RAB11FIP4: variants seen among roughly 807,000 people sequenced by gnomAD.
RAB11FIP4 encodes the protein rab11 family-interacting protein 4.
In RAB11FIP4, 23 loss-of-function variants were observed where a neutral mutation model predicts 74.3. The ratio of observed to expected loss-of-function variants is 0.31; its 90% CI spans 0.22 to 0.44. The LOEUF (loss-of-function observed/expected upper bound fraction) is 0.44, where lower values mean the gene tolerates loss of function less well. RAB11FIP4 is among the 20% of genes least tolerant of loss of function. The probability of loss-of-function intolerance (pLI) is 1.00; values close to 1 mark genes in which losing one functional copy is unlikely to be tolerated. For missense variants in RAB11FIP4, 630 were observed against 863.9 expected, an observed-to-expected ratio of 0.73 and a Z score of 3.39; for synonymous variants, 360 against 359.9, an observed-to-expected ratio of 1.00 and a Z score of 0.00.
At chr17:31,520,517 GT>G (rs796641313) in intron 4 of RAB11FIP4, among the ~76,000 whole-genome samples, 7 of 151,518 alleles carry the variant, frequency 4.6e-5, no homozygotes, top group African/African-American at 1.7e-4. Flanking sequence ...TTTTGTTTTT[GT>G]TTTTTTTGAG....
intron 1 of RAB11FIP4, among the ~76,000 whole-genome samples, chr17:31,399,769 C>A (rs986561531): frequency 6.7e-6 from 1 of 149,898 alleles, no homozygotes; most frequent in Non-Finnish European, 1.5e-5. Flanking sequence ...CTAGGCCCAG[C>A]GCAGTGGCTC....
At chr17:31,507,861 G>A (rs1342745788) in intron 3 of RAB11FIP4, among the ~76,000 whole-genome samples, 4 of 151,772 alleles carry the variant, frequency 2.6e-5, no homozygotes, top group Non-Finnish European at 5.9e-5. Flanking sequence ...TTTTAGACAG[G>A]GTCTCACTCC....
intron 1 of RAB11FIP4, among the ~76,000 whole-genome samples, chr17:31,430,921 A>C (rs2071304068): frequency 6.6e-6 from 1 of 152,120 alleles, no homozygotes; most frequent in African/African-American, 2.4e-5. Context: ...GGACGGGGTC[A>C]GGGAGTGGGA....
chr17:31,471,710 C>T (rs1397746979), intron 3 of RAB11FIP4, among the ~76,000 whole-genome samples: 5 of 152,114 alleles, frequency 3.3e-5, no homozygotes, highest in South Asian at 2.1e-4. Context: ...CCCGAGCTCT[C>T]GGTGCTAATG....
chr17:31,521,496 G>A (rs1387388117), intron 5 of RAB11FIP4, 136 bp downstream of exon 5: 6 of 799,166 alleles, frequency 7.5e-6, no homozygotes, highest in Non-Finnish European at 9.6e-6. Context: ...TCTGCTCCTG[G>A]GGCTTGGGGT....
chr17:31,426,587 CT>C, intron 1 of RAB11FIP4, among the ~76,000 whole-genome samples: 1 of 135,874 alleles, frequency 7.4e-6, no homozygotes, highest in South Asian at 2.3e-4. Flanking sequence ...TCTTTTTTTT[CT>C]TTTTCTTTTC....
intron 3 of RAB11FIP4, among the ~76,000 whole-genome samples, chr17:31,517,346 G>A (rs2072576826): frequency 6.6e-6 from 1 of 152,076 alleles, no homozygotes; most frequent in Non-Finnish European, 1.5e-5. Context: ...TTCTGCCTCA[G>A]TGGGGGCTCT....
rs191263700 is a variant in RAB11FIP4, at chr17:31,392,938, C to G, written c.159+927C>G. Among the ~76,000 whole-genome samples, 440 of 152,306 alleles carry G rather than the reference C, an allele frequency of 2.9e-3. 1 individual carries two copies. The highest frequency in any genetic ancestry group is 4.1e-3 in the Non-Finnish European group (277 of 68,016). On this transcript the variant is annotated intron_variant, in intron 1 of 14. Transcript: ENST00000621161. ...AGGCCTCAGGCCCTGCATGGGGGGC[C>G]TGGGGCCATGGGCCTCAAATGGGCA...
intron 13 of RAB11FIP4, among the ~76,000 whole-genome samples, chr17:31,529,837 G>C (rs72817707): frequency 0.15 from 22,514 of 152,236 alleles, 1,747 homozygotes; most frequent in East Asian, 0.28. Flanking sequence ...GTGAGCATTA[G>C]GGCTCTTTAG....
In RAB11FIP4 at chr17:31,521,310, T is replaced by C. The variant is rs1205214693; in HGVS notation, c.708T>C (p.Asp236=). 4.3e-6 allele frequency: 7 copies of C among 1,613,962 alleles called. No homozygotes were observed. The highest frequency in any genetic ancestry group is 5.9e-6 in the Non-Finnish European group (7 of 1,179,906). ...CCCCCAGCAGCCCTTGCCCCGATGA[T>C]GAGACCAGGACCAACGTCTACTCGG... ...DCAPSSPCPD[D]ETRTNVYSDL... is the part of the protein sequence containing the mutation. Residue 236 remains aspartate, a synonymous_variant, in exon 5 of 15, where the codon GAT becomes GAC. Transcript: ENST00000621161.
At chr17:31,516,188 T>C (rs1302910176) in intron 3 of RAB11FIP4, among the ~76,000 whole-genome samples, 1 of 151,886 alleles carries the variant, frequency 6.6e-6, no homozygotes, top group African/African-American at 2.4e-5. Context: ...TGTTCCATGA[T>C]GTGCACAGGG....
chr17:31,462,884 C>T (rs1241053085), intron 3 of RAB11FIP4, among the ~76,000 whole-genome samples: 1 of 152,198 alleles, frequency 6.6e-6, no homozygotes, highest in East Asian at 1.9e-4. Flanking sequence ...GATCCGCCCG[C>T]CTCGGCCTCC....
intron 14 of RAB11FIP4, 78 bp from the exon 15 acceptor site, chr17:31,531,538 G>A (rs1597989838): frequency 1.6e-5 from 15 of 957,900 alleles, no homozygotes; most frequent in Admixed American, 1.1e-4. Context: ...ACTGGCCTGC[G>A]ACAAGCCTGG....
intron 3 of RAB11FIP4, among the ~76,000 whole-genome samples, chr17:31,463,647 G>A (rs1410982741): frequency 6.6e-6 from 1 of 151,912 alleles, no homozygotes; most frequent in Non-Finnish European, 1.5e-5. Flanking sequence ...GGGATTACAG[G>A]CACCTGCCAC....
At chr17:31,514,480 AC>A (rs5819947) in intron 3 of RAB11FIP4, among the ~76,000 whole-genome samples, 36,557 of 151,932 alleles carry the variant, frequency 0.24, 4,988 homozygotes, top group African/African-American at 0.38. Flanking sequence ...TCATGTCCGG[AC>A]CCGGCTGTAA....
At chr17:31,415,675 G>A (rs1025797229) in intron 1 of RAB11FIP4, among the ~76,000 whole-genome samples, 1 of 152,090 alleles carries the variant, frequency 6.6e-6, no homozygotes, top group South Asian at 2.1e-4. Context: ...CGAGAGAGGG[G>A]AAGGAGCTCA....
At chr17:31,452,605 G>A (rs371446211) in intron 3 of RAB11FIP4, among the ~76,000 whole-genome samples, 60 of 152,274 alleles carry the variant, frequency 3.9e-4, no homozygotes, top group African/African-American at 1.4e-3. Context: ...TAACTTGCAG[G>A]TCCTGTGCCA....
At chr17:31,419,062 C>T (rs867166179) in intron 1 of RAB11FIP4, among the ~76,000 whole-genome samples, 4 of 152,272 alleles carry the variant, frequency 2.6e-5, no homozygotes, top group Non-Finnish European at 4.4e-5. Context: ...GTTTCTTTCC[C>T]GTAGCATAAT....
At chr17:31,449,102 C>A (rs1291639168) in intron 3 of RAB11FIP4, among the ~76,000 whole-genome samples, 1 of 152,056 alleles carries the variant, frequency 6.6e-6, no homozygotes, top group Admixed American at 6.6e-5. Context: ...AGAATTCCCT[C>A]CCCTTCCCAT....
Sources: allele counts gnomAD v4.1 joint callset (sites outside exome capture counted in the v4.1 genomes callset), GRCh38; gene constraint gnomAD v4.1.1; transcripts MANE v1.5; gene names NCBI Gene and HGNC (gene_info 2026-07-23, HGNC 2026-07-21).